Variants in SNX29 observed in about 807,000 individuals in gnomAD.
SNX29 encodes sorting nexin 29, also known as sorting nexin-29.
A neutral mutation model predicts 102.1 loss-of-function variants in SNX29; 78 were observed. The ratio of observed to expected loss-of-function variants is 0.76; its 90% CI spans 0.64 to 0.92. SNX29 has a LOEUF of 0.92. SNX29 is among the 40% of genes least tolerant of loss of function. SNX29 has a pLI of 0.00. For synonymous variants in SNX29, 580 were observed against 414.5 expected (o/e 1.40, Z -4.85); for missense variants, 1,280 against 1,061.7 (o/e 1.21, Z -2.86).
intron 13 of SNX29, among the ~76,000 whole-genome samples, chr16:12,191,028 G>A (rs912504850): frequency 6.6e-6 from 1 of 152,166 alleles, no homozygotes; most frequent in African/African-American, 2.4e-5. Context: ...ACCAGGGACT[G>A]GTTGCGTGGA....
rs139761323 is a variant in SNX29, at chr16:12,178,708, G to A, written c.1596-20893G>A. Among the ~76,000 whole-genome samples, 163 of 152,314 alleles carry A rather than the reference G, an allele frequency of 1.1e-3. 1 individual carries two copies. Among genetic ancestry groups the A allele is most frequent in the African/African-American group, 3.7e-3 (153 of 41,560 alleles). On this transcript the variant is annotated intron_variant, in intron 13 of 20. Transcript: ENST00000566228. ...ATACGCAATGCTCTTAGTGGTGGTC[G>A]CCTGTCTTCAGCATCCAAAGTATCA...
intron 20 of SNX29, among the ~76,000 whole-genome samples, chr16:12,547,120 A>T (rs553821742): frequency 6.6e-6 from 1 of 152,316 alleles, no homozygotes; most frequent in East Asian, 1.9e-4. Context: ...ACAGGAAATG[A>T]CATCACAGTC....
intron 19 of SNX29, among the ~76,000 whole-genome samples, chr16:12,522,477 C>G (rs895031327): frequency 9.2e-5 from 14 of 152,094 alleles, no homozygotes; most frequent in Non-Finnish European, 2.1e-4. Context: ...ATCTGTGTTC[C>G]TACCCAAATC....
intron 18 of SNX29, among the ~76,000 whole-genome samples, chr16:12,403,809 T>C (rs1276898917): frequency 2.6e-5 from 4 of 152,188 alleles, no homozygotes; most frequent in African/African-American, 9.6e-5. Context: ...AGATGTGTGT[T>C]TGCTTGTTTT....
intron 2 of SNX29, among the ~76,000 whole-genome samples, chr16:12,000,735 C>T (rs563205829): frequency 1.8e-4 from 27 of 152,220 alleles, no homozygotes; most frequent in Admixed American, 1.2e-3. Flanking sequence ...GCAGTATCTA[C>T]GCAAGCCTTG....
chr16:12,349,456 CATCCCAAATCCCAAA>C (rs1367314788), intron 15 of SNX29, among the ~76,000 whole-genome samples: 2 of 152,232 alleles, frequency 1.3e-5, no homozygotes, highest in African/African-American at 2.4e-5. Flanking sequence ...ACAGGTTGAG[CATCCCAAATCCCAAA>C]ATCCCAAATT....
chr16:12,212,813 A>C (rs1194370158), intron 14 of SNX29, among the ~76,000 whole-genome samples: 2 of 152,220 alleles, frequency 1.3e-5, no homozygotes, highest in Non-Finnish European at 2.9e-5. Flanking sequence ...ACATCATACA[A>C]TACTACTCAG....
rs1347117262 is a variant in SNX29 at position 12,046,453 on chromosome 16, A to G, written c.498A>G (p.Ala166=). ...ERSSMLPTMA[A]GLNSILFAIN... is the part of the protein sequence containing the mutation. ...CCAGTATGCTTCCTACCATGGCAGCAGGTAAGCCTGGCCCAGACCAGGGTG... is the reference window on the plus strand; with the variant it reads ...CCAGTATGCTTCCTACCATGGCAGCGGGTAAGCCTGGCCCAGACCAGGGTG... Residue 166 remains alanine (A), a splice_region_variant and synonymous_variant, in exon 6 of 21, where the codon GCA becomes GCG. Transcript: ENST00000566228. 5 of 1,613,694 alleles carry G rather than the reference A, an allele frequency of 3.1e-6. No individual in the cohort carries two copies. In the Admixed American group the frequency reaches 6.7e-5, roughly 22 times the overall value.
At chr16:12,237,297 G>A (rs566261312) in intron 14 of SNX29, among the ~76,000 whole-genome samples, 85 of 152,350 alleles carry the variant, frequency 5.6e-4, no homozygotes, top group African/African-American at 1.9e-3. Flanking sequence ...TGTGTCCACT[G>A]AAGGGCCTTT....
intron 20 of SNX29, among the ~76,000 whole-genome samples, chr16:12,559,540 C>G (rs910048073): frequency 1.1e-4 from 16 of 151,928 alleles, no homozygotes; most frequent in African/African-American, 3.9e-4. Flanking sequence ...CATCCCCACC[C>G]CCTACATCTG....
intron 19 of SNX29, among the ~76,000 whole-genome samples, chr16:12,482,347 A>C (rs576026782): frequency 6.6e-6 from 1 of 151,222 alleles, no homozygotes; most frequent in South Asian, 2.1e-4. Flanking sequence ...TGTCACCCAG[A>C]CTAGAGTTCT....
At chr16:12,525,829 A>T (rs1328394121) in intron 20 of SNX29, among the ~76,000 whole-genome samples, 2 of 152,048 alleles carry the variant, frequency 1.3e-5, no homozygotes, top group South Asian at 4.1e-4. Flanking sequence ...CGCCTGCCAC[A>T]TGCCAGGCGT....
chr16:12,084,959 A>T (rs529544752), intron 11 of SNX29, among the ~76,000 whole-genome samples: 2 of 152,096 alleles, frequency 1.3e-5, no homozygotes, highest in African/African-American at 4.8e-5. Context: ...ATTCCCAGCT[A>T]ATTGGGAGGC....
chr16:12,489,082 G>T (rs191772496), intron 19 of SNX29, among the ~76,000 whole-genome samples: 1 of 152,120 alleles, frequency 6.6e-6, no homozygotes, highest in African/African-American at 2.4e-5. Flanking sequence ...ATCTGCTTTT[G>T]TTCCTCACAT....
intron 11 of SNX29, among the ~76,000 whole-genome samples, chr16:12,092,469 G>A: frequency 6.6e-6 from 1 of 152,162 alleles, no homozygotes; most frequent in East Asian, 1.9e-4. Flanking sequence ...GGTAATATGA[G>A]TTGCTCAAGG....
intron 14 of SNX29, among the ~76,000 whole-genome samples, chr16:12,236,190 C>A (rs548990295): frequency 3.3e-5 from 5 of 152,048 alleles, no homozygotes; most frequent in African/African-American, 1.2e-4. Context: ...CCACTGTTGC[C>A]CCAACAGTTA....
In SNX29 at chr16:12,534,244, C is replaced by G. The variant is rs79505161; in HGVS notation, c.2318+9403C>G. ...GGAGTAATCGTCGGGCTAGAGATGT[C>G]TGCTCAGTGCCCAAGCACCGCCGGC... On this transcript the variant is annotated intron_variant, in intron 20 of 20. Coordinates refer to ENST00000566228, the MANE Select transcript of SNX29 (RefSeq NM_032167.5). Among the ~76,000 whole-genome samples the G allele has an allele frequency of 0.01, 1,596 of 152,338 alleles. 82 individuals carry two copies. The South Asian group carries it at 0.16, about 15-fold the overall frequency.
At chr16:12,561,759 G>C (rs1356229710) in intron 20 of SNX29, among the ~76,000 whole-genome samples, 4 of 152,086 alleles carry the variant, frequency 2.6e-5, no homozygotes, top group Non-Finnish European at 5.9e-5. Flanking sequence ...TTTCTGAAAT[G>C]AACACCAAAG....
At chr16:12,064,297 G>T (rs1487946930) in intron 9 of SNX29, among the ~76,000 whole-genome samples, 1 of 152,174 alleles carries the variant, frequency 6.6e-6, no homozygotes, top group East Asian at 1.9e-4. Flanking sequence ...TTTGGTCTTA[G>T]AGAACCCAGA....
Sources: allele counts gnomAD v4.1 joint callset (sites outside exome capture counted in the v4.1 genomes callset), GRCh38; gene constraint gnomAD v4.1.1; transcripts MANE v1.5; gene names NCBI Gene and HGNC (gene_info 2026-07-23, HGNC 2026-07-21).